SRPRA: variants seen among roughly 807,000 people sequenced by gnomAD.
SRPRA encodes signal recognition particle receptor subunit alpha.
In SRPRA, 30 loss-of-function variants were observed where a neutral mutation model predicts 61.1. The observed-to-expected ratio is 0.49, with a 90% CI of 0.37 to 0.67. The LOEUF is 0.67. Among genes scored for constraint, SRPRA ranks in the 30% least tolerant of loss-of-function variants. The probability of loss-of-function intolerance (pLI) is 0.00; values close to 1 mark genes in which losing one functional copy is unlikely to be tolerated. For synonymous variants in SRPRA, 324 were observed against 299.7 expected (o/e 1.08, Z -0.84); for missense variants, 759 against 828.4 (o/e 0.92, Z 1.03).
In SRPRA at chr11:126,268,765, C is replaced by A. The variant is rs746303200; in HGVS notation, c.40G>T (p.Val14Leu). The change falls in exon 1 of 14, where the codon GTG becomes TTG. Residue 14 changes from valine (V) to leucine (L), a missense_variant. Transcript: ENST00000332118. ...FFTIFSKGGL[V>L]LWCFQGVSDS... ...CTAACGCCCTGGAAGCACCAGAGCACAAGCCCGCCCTTGGAGAAAATGGTG... is the reference window on the plus strand; with the variant it reads ...CTAACGCCCTGGAAGCACCAGAGCAAAAGCCCGCCCTTGGAGAAAATGGTG... 6.2e-7 allele frequency: 1 copy of A among 1,613,846 alleles called. No homozygotes were observed. The highest frequency in any genetic ancestry group is 8.5e-7 in the Non-Finnish European group (1 of 1,180,032).
the SRPRA span, among the ~76,000 whole-genome samples, chr11:126,251,693 T>TG: frequency 6.6e-6 from 1 of 152,142 alleles, no homozygotes; most frequent in Non-Finnish European, 1.5e-5. Context: ...TCCAGTCTCT[T>TG]GTCCGTTTCC....
the SRPRA span, among the ~76,000 whole-genome samples, chr11:126,243,903 C>CAAA: frequency 9.6e-6 from 1 of 104,588 alleles, no homozygotes; most frequent in Non-Finnish European, 2.0e-5. Flanking sequence ...GACTCCGTCT[C>CAAA]AAAAAAAAAA....
At chr11:126,261,160 G>A, downstream of SRPRA, 2 of 443,602 alleles carry the variant, frequency 4.5e-6, no homozygotes, top group Non-Finnish European at 8.2e-6. Flanking sequence ...TATGTGAAAT[G>A]TAAAATGTAA....
Position 126,264,092 on chromosome 11 carries a change from T to G in SRPRA, c.1789-48A>C. On this transcript the variant is annotated intron_variant, in intron 13 of 13. Coordinates refer to ENST00000332118, the MANE Select transcript of SRPRA (RefSeq NM_003139.4). This position sits in a 1 kb window ranked among gnomAD's most constrained non-coding sequence, Gnocchi z 5.0. Reference sequence around the variant, plus strand: ...CCATCAACACAAGCCCACTTTTCACTCACCCTCTCAGGAACAGGAAGCGCT... The same window carrying G: ...CCATCAACACAAGCCCACTTTTCACGCACCCTCTCAGGAACAGGAAGCGCT... 1 of 1,613,620 alleles carries G rather than the reference T, an allele frequency of 6.2e-7. No homozygotes were observed. The highest frequency in any genetic ancestry group is 8.5e-7 in the Non-Finnish European group (1 of 1,179,696).
chr11:126,239,156 G>T, the SRPRA span, among the ~76,000 whole-genome samples: 1 of 151,474 alleles, frequency 6.6e-6, no homozygotes, highest in African/African-American at 2.4e-5. Flanking sequence ...TCTTTGTTTG[G>T]CAGAGATGGG....
At position 126,265,566 on chromosome 11, in the gene SRPRA, C is replaced by G; in HGVS notation, c.1139-126G>C. On this transcript the variant is annotated intron_variant, in intron 9 of 13. Transcript: ENST00000332118. This position sits in a 1 kb window ranked among gnomAD's most constrained non-coding sequence, Gnocchi z 6.3. ...AGACTCTTGTCCCAGAAATCCAGAA[C>G]AGACGCACATTACAAGGACTAACTC... The G allele has an allele frequency of 8.0e-7, 1 of 1,251,826 alleles. No individual in the cohort carries two copies. The highest frequency in any genetic ancestry group is 1.4e-5 in the South Asian group (1 of 71,700). 77.5% of individuals were successfully genotyped at this position (1,251,826 alleles called of 1,614,324 possible).
chr11:126,240,567 G>C, the SRPRA span, among the ~76,000 whole-genome samples: 1 of 152,206 alleles, frequency 6.6e-6, no homozygotes, highest in East Asian at 1.9e-4. Flanking sequence ...TTTAAGATTG[G>C]TTTTGGGATT....
Position 126,264,080 on chromosome 11 carries a change from C to T in SRPRA, c.1789-36G>A, listed in dbSNP as rs762329242. 1.8e-5 allele frequency: 29 copies of T among 1,613,652 alleles called. No homozygotes were observed. The East Asian group carries it at 6.2e-4, about 35-fold the overall frequency. ...AAAGAGGACAGCCCATCAACACAAGCCCACTTTTCACTCACCCTCTCAGGA... is the reference window on the plus strand; with the variant it reads ...AAAGAGGACAGCCCATCAACACAAGTCCACTTTTCACTCACCCTCTCAGGA... On this transcript the variant is annotated intron_variant, in intron 13 of 13. Coordinates refer to ENST00000332118, the MANE Select transcript of SRPRA (RefSeq NM_003139.4). The surrounding 1 kb of genome is among the most constrained non-coding windows in gnomAD (Gnocchi z 5.0).
rs779398982 is a variant in SRPRA at position 126,265,988 on chromosome 11, C to T, written c.1026G>A (p.Leu342=). 2.5e-6 allele frequency: 4 copies of T among 1,614,068 alleles called. No homozygotes were observed. Among genetic ancestry groups the T allele is most frequent in the African/African-American group, 1.3e-5 (1 of 74,938 alleles). ...SLSREDMESV[L]DKMRDHLIAK... ...CAATGAGATGATCACGCATCTTGTC[C>T]AGCACAGATTCCATGTCTTCACGAC... Residue 342 remains leucine (L), a synonymous_variant, in exon 8 of 14, where the codon CTG becomes CTA. Transcript: ENST00000332118. This position sits in a 1 kb window ranked among gnomAD's most constrained non-coding sequence, Gnocchi z 6.3.
At chr11:126,250,380 T>C in the SRPRA span, 5 of 654,446 alleles carry the variant, frequency 7.6e-6, no homozygotes, top group Admixed American at 2.7e-5. This position sits in a 1 kb window ranked among gnomAD's most constrained non-coding sequence, Gnocchi z 5.1. Context: ...CGTGAGCCAC[T>C]GCGCCTGGCC....
At chr11:126,241,026 T>C in the SRPRA span, 1 of 1,601,384 alleles carries the variant, frequency 6.2e-7, no homozygotes, top group African/African-American at 1.3e-5. Context: ...CCCATGACCT[T>C]ATCCAGAAAC....
rs1394067973 is a variant in SRPRA at position 126,267,161 on chromosome 11, G to A, written c.526+14C>T. ...CCTTTCATGTCCCAGTATATCCAAA[G>A]AACTCAAACTTGCCTTCCTTCTTGG... On this transcript the variant is annotated intron_variant, in intron 4 of 13. Coordinates refer to ENST00000332118, the MANE Select transcript of SRPRA (RefSeq NM_003139.4). This position sits in a 1 kb window ranked among gnomAD's most constrained non-coding sequence, Gnocchi z 4.2. The A allele has an allele frequency of 6.2e-7, 1 of 1,613,728 alleles. No homozygotes were observed. The highest frequency in any genetic ancestry group is 1.3e-5 in the African/African-American group (1 of 74,838).
At chr11:126,254,296 G>A in the SRPRA span, 4 of 1,613,272 alleles carry the variant, frequency 2.5e-6, no homozygotes, top group African/African-American at 4.0e-5. Context: ...CTATATGTGT[G>A]TTGTGCAGGT....
chr11:126,244,585 C>T, the SRPRA span, among the ~76,000 whole-genome samples: 4 of 152,286 alleles, frequency 2.6e-5, no homozygotes, highest in Non-Finnish European at 5.9e-5. The surrounding 1 kb of genome is among the most constrained non-coding windows in gnomAD (Gnocchi z 4.5). Context: ...GGGCGGATCA[C>T]CTGAGGTCGG....
intron 1 of SRPRA, among the ~76,000 whole-genome samples, chr11:126,268,422 G>A (rs1950866685): frequency 6.6e-6 from 1 of 152,168 alleles, no homozygotes; most frequent in Non-Finnish European, 1.5e-5. Context: ...ACAAAACCAA[G>A]CTGCTGGGGA....
downstream of SRPRA, among the ~76,000 whole-genome samples, chr11:126,259,846 G>A (rs557572300): frequency 6.6e-5 from 10 of 151,712 alleles, no homozygotes; most frequent in East Asian, 1.7e-3. Context: ...TCAGTCTCCC[G>A]AGTAGCTGGG....
the SRPRA span, chr11:126,241,072 T>C: frequency 5.3e-6 from 8 of 1,520,296 alleles, no homozygotes. Context: ...TGCCACAGTA[T>C]TTGGAATTTC....
rs551279728 is a variant in SRPRA, at chr11:126,267,896, T to G, written c.201+107A>C. 138 of 1,430,156 alleles carry G rather than the reference T, an allele frequency of 9.6e-5. No individual in the cohort carries two copies. The African/African-American group carries it at 1.8e-3, about 19-fold the overall frequency. The allele number at this position is 1,430,156 out of a possible 1,614,324, so 88.6% of individuals were successfully genotyped here. On this transcript the variant is annotated intron_variant, in intron 2 of 13. Transcript: ENST00000332118. This position sits in a 1 kb window ranked among gnomAD's most constrained non-coding sequence, Gnocchi z 4.2. ...TGTTTTCCCCCATCTACCTTTCTAG[T>G]TTTTTCAGTTACGTCATCATATACA...
At chr11:126,266,952 AAG>A (rs1306549872) in intron 4 of SRPRA, 30 bp from the exon 5 acceptor site, 2 of 1,603,468 alleles carry the variant, frequency 1.2e-6, no homozygotes, top group Non-Finnish European at 1.7e-6. Context: ...CTGAAGAAAA[AAG>A]AAGACCAATC....
Sources: allele counts gnomAD v4.1 joint callset (sites outside exome capture counted in the v4.1 genomes callset), GRCh38; gene constraint gnomAD v4.1.1; non-coding constraint Gnocchi (gnomAD v3.1); transcripts MANE v1.5; gene names NCBI Gene and HGNC (gene_info 2026-07-23, HGNC 2026-07-21).